The following MDGA2 variants were observed in gnomAD, a reference collection of about 807,000 sequenced individuals.
MDGA2 encodes MAM domain containing glycosylphosphatidylinositol anchor 2, also known as MAM domain-containing glycosylphosphatidylinositol anchor protein 2.
MDGA2 carries 40 observed loss-of-function variants against 117.8 expected under a neutral mutation model. That is an observed-to-expected ratio of 0.34 (90% CI 0.26 to 0.44). The LOEUF (loss-of-function observed/expected upper bound fraction) is 0.44, where lower values mean the gene tolerates loss of function less well. MDGA2 is among the 20% of genes least tolerant of loss of function. MDGA2 has a pLI of 1.00. For synonymous variants in MDGA2, 452 were observed against 439.0 expected (o/e 1.03, Z -0.37); for missense variants, 1,123 against 1,250.6 (o/e 0.90, Z 1.54).
intron 1 of MDGA2, among the ~76,000 whole-genome samples, chr14:47,627,953 G>A (rs1220260616): frequency 3.3e-5 from 5 of 152,266 alleles, no homozygotes; most frequent in African/African-American, 1.2e-4. Context: ...CCACCTTTAA[G>A]AACTGTAACA....
intron 1 of MDGA2, among the ~76,000 whole-genome samples, chr14:47,595,570 A>G (rs1896527394): frequency 6.6e-6 from 1 of 151,290 alleles, no homozygotes; most frequent in African/African-American, 2.4e-5. Flanking sequence ...AAAAAAAAAA[A>G]ACCCAGCAAC....
At chr14:47,379,377 T>A (rs1462434938) in intron 1 of MDGA2, among the ~76,000 whole-genome samples, 1 of 152,142 alleles carries the variant, frequency 6.6e-6, no homozygotes, top group East Asian at 1.9e-4. Flanking sequence ...AATATTAGCC[T>A]TAAATGTAAA....
At chr14:47,669,068 T>C (rs1212619384) in intron 1 of MDGA2, among the ~76,000 whole-genome samples, 2 of 152,208 alleles carry the variant, frequency 1.3e-5, no homozygotes, top group East Asian at 1.9e-4. Flanking sequence ...ACAAGGCTTA[T>C]GCTATAATCC....
chr14:47,472,905 T>A (rs10150741), intron 1 of MDGA2, among the ~76,000 whole-genome samples: 42,834 of 151,598 alleles, frequency 0.28, 6,404 homozygotes, highest in South Asian at 0.53. Flanking sequence ...GGCTTTTTTT[T>A]AAAAAACTCA....
chr14:47,239,694 A>G (rs985621106), intron 2 of MDGA2, among the ~76,000 whole-genome samples: 2 of 151,862 alleles, frequency 1.3e-5, no homozygotes, highest in Non-Finnish European at 2.9e-5. Context: ...TGGGGAAAAA[A>G]AAGTTTTCAA....
intron 1 of MDGA2, among the ~76,000 whole-genome samples, chr14:47,388,502 A>G (rs187227464): frequency 6.6e-6 from 1 of 151,410 alleles, no homozygotes; most frequent in East Asian, 1.9e-4. Context: ...TGCCTACCTT[A>G]CTCTTTTTCT....
At chr14:47,161,554 C>T (rs1883634665) in intron 3 of MDGA2, among the ~76,000 whole-genome samples, 1 of 151,330 alleles carries the variant, frequency 6.6e-6, no homozygotes, top group Non-Finnish European at 1.5e-5. Flanking sequence ...TATATATATA[C>T]ATATATTTAG....
In MDGA2 at chr14:47,216,239, A is replaced by T. The variant is rs115174364; in HGVS notation, c.595+1782T>A. Reference sequence around the variant, plus strand: ...TTTCCCGCTTTATATTTAACTTGTTAACCCAGCAATAAGATTTTTAAATTA... The same window carrying T: ...TTTCCCGCTTTATATTTAACTTGTTTACCCAGCAATAAGATTTTTAAATTA... On this transcript the variant is annotated intron_variant, in intron 3 of 16. Transcript: ENST00000399232. Among the ~76,000 whole-genome samples the T allele has an allele frequency of 7.0e-3, 1,059 of 152,324 alleles. 15 individuals are homozygous for T. The highest frequency in any genetic ancestry group is 0.025 in the African/African-American group (1,023 of 41,594).
chr14:47,425,837 C>G (rs1243034689), intron 1 of MDGA2, among the ~76,000 whole-genome samples: 1 of 151,934 alleles, frequency 6.6e-6, no homozygotes, highest in Non-Finnish European at 1.5e-5. Context: ...AAAAGTCTTA[C>G]ATAGCCACAG....
chr14:47,079,033 GA>G (rs755415080), intron 6 of MDGA2, among the ~76,000 whole-genome samples: 297 of 136,130 alleles, frequency 2.2e-3, no homozygotes, highest in East Asian at 5.0e-3. Flanking sequence ...TAAGTGAGAT[GA>G]AAAAAAAAAA....
At chr14:47,454,832 C>T (rs1262710185) in intron 1 of MDGA2, among the ~76,000 whole-genome samples, 2 of 150,800 alleles carry the variant, frequency 1.3e-5, no homozygotes, top group African/African-American at 2.4e-5. Flanking sequence ...TGAGATAATT[C>T]CACATTCTTC....
intron 2 of MDGA2, among the ~76,000 whole-genome samples, chr14:47,294,134 G>A (rs1204270630): frequency 7.1e-6 from 1 of 141,388 alleles, no homozygotes; most frequent in African/African-American, 2.7e-5. Context: ...TTTGAGACAG[G>A]CTTTTGCTCT....
At chr14:47,202,884 T>C (rs1885560818) in intron 3 of MDGA2, among the ~76,000 whole-genome samples, 1 of 152,106 alleles carries the variant, frequency 6.6e-6, no homozygotes, top group South Asian at 2.1e-4. Flanking sequence ...GTTAATGCTA[T>C]AGAACTTATA....
chr14:46,840,420 C>G lies in MDGA2; in HGVS notation c.*1511G>C, dbSNP rs1364785763. On this transcript the variant is annotated 3_prime_UTR_variant, in exon 17 of 17. Transcript: ENST00000399232. ...ATGATCTTCAAATTTTCATAACCAACAGGTTTAAGTGAAATTTACAATGCA... is the reference window on the plus strand; with the variant it reads ...ATGATCTTCAAATTTTCATAACCAAGAGGTTTAAGTGAAATTTACAATGCA... 6.6e-6 allele frequency: 1 copy of G among 152,326 alleles called. No homozygotes were observed. Among genetic ancestry groups the G allele is most frequent in the Non-Finnish European group, 1.5e-5 (1 of 67,978 alleles). The allele number at this position is 152,326 out of a possible 1,614,324, so 9.4% of individuals were successfully genotyped here. A position where few individuals can be genotyped will look rare whatever the true frequency, so the allele number is the denominator to read the frequency against.
At chr14:47,608,638 A>G (rs1448210150) in intron 1 of MDGA2, among the ~76,000 whole-genome samples, 2 of 152,172 alleles carry the variant, frequency 1.3e-5, no homozygotes, top group East Asian at 3.9e-4. Flanking sequence ...CTGCTATGCC[A>G]CTGTAAAGAT....
intron 1 of MDGA2, among the ~76,000 whole-genome samples, chr14:47,390,872 G>A (rs887879995): frequency 6.6e-6 from 1 of 151,980 alleles, no homozygotes; most frequent in Admixed American, 6.6e-5. Context: ...GTTTCTTCTT[G>A]ATATCCTTGG....
intron 15 of MDGA2, 100 bp downstream of exon 15, chr14:46,854,924 G>A (rs3007133): frequency 0.44 from 478,332 of 1,098,852 alleles, 107,020 homozygotes; most frequent in Admixed American, 0.66. Flanking sequence ...TGCTTATATC[G>A]TGGAATTTCT....
At chr14:47,312,584 C>A (rs1889669236) in intron 1 of MDGA2, among the ~76,000 whole-genome samples, 1 of 151,894 alleles carries the variant, frequency 6.6e-6, no homozygotes, top group Admixed American at 6.6e-5. Context: ...ATCACCGTAA[C>A]CTGTAACCTT....
chr14:47,165,403 G>C (rs921187716), intron 3 of MDGA2, among the ~76,000 whole-genome samples: 6 of 152,162 alleles, frequency 3.9e-5, no homozygotes, highest in Admixed American at 6.5e-5. Context: ...AGTTTGAGGG[G>C]GAAAGAGTGG....
Sources: gnomAD v4.1 joint callset for allele counts (sites outside exome capture counted in the v4.1 genomes callset) on GRCh38, gnomAD v4.1.1 for gene constraint, MANE v1.5 for transcripts, NCBI Gene and HGNC (gene_info 2026-07-23, HGNC 2026-07-21) for gene names.